RHBDF1: variants seen among roughly 807,000 people sequenced by gnomAD.
The protein encoded by RHBDF1 is rhomboid 5 homolog 1.
A neutral mutation model predicts 98.6 loss-of-function variants in RHBDF1; 80 were observed. The ratio of observed to expected loss-of-function variants is 0.81; its 90% CI spans 0.68 to 0.98. RHBDF1 has a LOEUF of 0.98. RHBDF1 is among the 50% of genes least tolerant of loss of function. RHBDF1 has a pLI of 0.00. For missense variants in RHBDF1, 1,116 were observed against 1,198.3 expected (o/e 0.93, Z 1.01); for synonymous variants, 512 against 486.8 (o/e 1.05, Z -0.68).
rs1360901037 is a variant in RHBDF1 at position 64,993 on chromosome 16, C to T, written c.23G>A (p.Ser8Asn). Residue 8 changes from serine (S) to asparagine (N), a missense_variant, in exon 2 of 18, where the codon AGC becomes AAC. Physicochemically the swap from Ser to Asn is conservative, Grantham distance 46. Coordinates refer to ENST00000262316, the MANE Select transcript of RHBDF1 (RefSeq NM_022450.5). ...CTTCTTGCGCTGCAGGCTGCTCGTGCTGTCCCTGCGGGCCTCACTCATGGT... is the reference window on the plus strand; with the variant it reads ...CTTCTTGCGCTGCAGGCTGCTCGTGTTGTCCCTGCGGGCCTCACTCATGGT... Reference protein sequence around the residue: MSEARRDSTSSLQRKKPP... With the variant: MSEARRDNTSSLQRKKPP... 6.5e-7 allele frequency: 1 copy of T among 1,534,734 alleles called. No homozygotes were observed. The highest frequency in any genetic ancestry group is 8.8e-7 in the Non-Finnish European group (1 of 1,138,628).
intron 3 of RHBDF1, chr16:64,375 C>G (rs1316714972): frequency 7.2e-7 from 1 of 1,382,108 alleles, no homozygotes; most frequent in Non-Finnish European, 9.6e-7. Context: ...TGGGAAGGCC[C>G]TGCGGGCAGC....
chr16:73,307 A>AC (rs1393783998), upstream of RHBDF1, among the ~76,000 whole-genome samples: 1 of 150,476 alleles, frequency 6.6e-6, no homozygotes, highest in African/African-American at 2.5e-5. Flanking sequence ...CTGTGCCCCT[A>AC]CCCCCAGAAG....
chr16:69,886 A>C (rs1897925410), intron 1 of RHBDF1, among the ~76,000 whole-genome samples: 1 of 152,064 alleles, frequency 6.6e-6, no homozygotes, highest in South Asian at 2.1e-4. Flanking sequence ...AGACAAGGAG[A>C]CAGAACAAGA....
intron 1 of RHBDF1, among the ~76,000 whole-genome samples, chr16:68,998 G>A (rs1897902462): frequency 1.3e-5 from 2 of 152,300 alleles, no homozygotes; most frequent in South Asian, 2.1e-4. Context: ...TGGAAATCAG[G>A]GGTCACAGCA....
rs1213673948 is a variant in RHBDF1 at position 61,259 on chromosome 16, G to A, written c.1418C>T (p.Ala473Val). The A allele has an allele frequency of 6.5e-7, 1 of 1,544,828 alleles. No homozygotes were observed. Among genetic ancestry groups the A allele is most frequent in the Non-Finnish European group, 8.7e-7 (1 of 1,144,028 alleles). The stretch of plus-strand genomic sequence containing the variant: ...CTGGCGCATGCAGGGCGAAAACTTG[G>A]CGCCCAGGTGGATGAGGGCCTCCTG... The part of the protein sequence containing the change: ...PSSEALIHLG[A>V]KFSPCMRQDP... Residue 473 changes from alanine (A) to valine (V), a missense_variant, in exon 11 of 18, where the codon GCC (alanine) becomes GTC (valine). Ala to Val is a moderately conservative substitution (Grantham distance 64). Transcript: ENST00000262316.
intron 1 of RHBDF1, among the ~76,000 whole-genome samples, chr16:69,266 G>A (rs1897910486): frequency 6.6e-6 from 1 of 152,176 alleles, no homozygotes; most frequent in Non-Finnish European, 1.5e-5. Flanking sequence ...GGTGTGAGCA[G>A]CAACCACCTC....
chr16:60,921 A>C, intron 11 of RHBDF1, 199 bp downstream of exon 11: 1 of 614,638 alleles, frequency 1.6e-6, no homozygotes, highest in Non-Finnish European at 2.8e-6. Flanking sequence ...AGACCAAATC[A>C]GATGATGGTC....
At chr16:63,890 C>CTGT in intron 3 of RHBDF1, 90 bp from the exon 4 acceptor site, 2 of 885,916 alleles carry the variant, frequency 2.3e-6, no homozygotes, top group African/African-American at 4.5e-5. Context: ...AGCATGCTGC[C>CTGT]CCCAGGCCTG....
intron 12 of RHBDF1, 79 bp downstream of exon 12, chr16:60,360 A>G: frequency 6.2e-7 from 1 of 1,600,266 alleles, no homozygotes; most frequent in Non-Finnish European, 8.6e-7. Context: ...CAACAAGAGG[A>G]GCCCCTACAC....
rs1596469462 is a variant in RHBDF1 at position 62,627 on chromosome 16, C to T, written c.864G>A (p.Ala288=). 4.3e-6 allele frequency: 7 copies of T among 1,613,906 alleles called. No individual in the cohort carries two copies. Among genetic ancestry groups the T allele is most frequent in the Admixed American group, 1.7e-5 (1 of 60,014 alleles). ...DEVFESPSEA[A]LKDWEKAPEQ... is the part of the protein sequence containing the mutation. ...CCGGTGCCTTCTCCCAGTCCTTTAG[C>T]GCTGCCTCCGATGGGGACTCGAAAA... The change falls in exon 7 of 18, where the codon GCG becomes GCA. Residue 288 remains alanine, a synonymous_variant. Transcript: ENST00000262316.
chr16:68,874 G>C (rs1458269750), intron 1 of RHBDF1, among the ~76,000 whole-genome samples: 2 of 152,222 alleles, frequency 1.3e-5, no homozygotes, highest in African/African-American at 4.8e-5. Flanking sequence ...GGTGCAGGGA[G>C]AGCCAGAAAG....
Position 62,763 on chromosome 16 carries a change from G to A in RHBDF1, c.795+12C>T, listed in dbSNP as rs201959203. On this transcript the variant is annotated intron_variant, in intron 6 of 17. Coordinates refer to ENST00000262316, the MANE Select transcript of RHBDF1 (RefSeq NM_022450.5). ...GAACGTGGGGTGGGGGGACACCCCG[G>A]GCACTTCTTACCCGGGCAAAGAAGG... 6.2e-7 allele frequency: 1 copy of A among 1,614,040 alleles called. No individual in the cohort carries two copies. Among genetic ancestry groups the A allele is most frequent in the African/African-American group, 1.3e-5 (1 of 75,044 alleles).
At chr16:62,289 GC>G in intron 7 of RHBDF1, 1 of 715,694 alleles carries the variant, frequency 1.4e-6, no homozygotes, top group East Asian at 2.8e-5. Context: ...TGTCACCTCC[GC>G]CTCCCCGTTG....
At chr16:68,275 T>C (rs550258635) in intron 1 of RHBDF1, among the ~76,000 whole-genome samples, 1 of 152,310 alleles carries the variant, frequency 6.6e-6, no homozygotes, top group South Asian at 2.1e-4. Context: ...GCCCCACCCC[T>C]GTGTGCCTAG....
At chr16:65,388 TA>T (rs1466232059) in intron 1 of RHBDF1, among the ~76,000 whole-genome samples, 1 of 152,216 alleles carries the variant, frequency 6.6e-6, no homozygotes, top group African/African-American at 2.4e-5. Flanking sequence ...ACAATATTTT[TA>T]AATGAGTGAA....
upstream of RHBDF1, among the ~76,000 whole-genome samples, chr16:75,549 C>T (rs1340959917): frequency 6.6e-6 from 1 of 152,208 alleles, no homozygotes; most frequent in Non-Finnish European, 1.5e-5. Flanking sequence ...AGCCAGTGGC[C>T]TGAAGTCATA....
rs1275034451 is a variant in RHBDF1, at chr16:61,073, C to G, written c.1557+47G>C. 3.3e-6 allele frequency: 5 copies of G among 1,501,782 alleles called. No homozygotes were observed. In the Admixed American group the frequency reaches 1.0e-4, roughly 31 times the overall value. The allele number at this position is 1,501,782 out of a possible 1,614,324, so 93.0% of individuals were successfully genotyped here. A position where few individuals can be genotyped will look rare whatever the true frequency, so the allele number is the denominator to read the frequency against. On this transcript the variant is annotated intron_variant, in intron 11 of 17. Coordinates refer to ENST00000262316, the MANE Select transcript of RHBDF1 (RefSeq NM_022450.5). ...CCGAGTCTATCTGAGGTCTGAAGAG[C>G]GAACACCGGGCAGACGAAGGCGGGA...
intron 11 of RHBDF1, 23 bp downstream of exon 11, chr16:61,097 G>C: frequency 6.6e-7 from 1 of 1,515,926 alleles, no homozygotes; most frequent in East Asian, 2.5e-5. Flanking sequence ...ACGAAGGCGG[G>C]AGTCCCGGGC....
chr16:62,749 G>C lies in RHBDF1; in HGVS notation c.795+26C>G, dbSNP rs377356760. The C allele has an allele frequency of 1.0e-4, 164 of 1,614,028 alleles. 1 individual carries two copies. In the African/African-American group the frequency reaches 1.9e-3, roughly 19 times the overall value. ...CACAGGCAGGAAGGGAACGTGGGGT[G>C]GGGGGACACCCCGGGCACTTCTTAC... On this transcript the variant is annotated intron_variant, in intron 6 of 17. Coordinates refer to ENST00000262316, the MANE Select transcript of RHBDF1 (RefSeq NM_022450.5).
Sources: gnomAD v4.1 joint callset for allele counts (sites outside exome capture counted in the v4.1 genomes callset) on GRCh38, gnomAD v4.1.1 for gene constraint, MANE v1.5 for transcripts, NCBI Gene and HGNC (gene_info 2026-07-23, HGNC 2026-07-21) for gene names.